Variants in ARL8B observed in about 807,000 individuals in gnomAD.
The protein encoded by ARL8B is ARF like GTPase 8B.
ARL8B carries 9 observed loss-of-function variants against 30.6 expected under a neutral mutation model. The observed-to-expected ratio is 0.29, with a 90% CI of 0.18 to 0.51. The LOEUF is 0.51. Among genes scored for constraint, ARL8B ranks in the 20% least tolerant of loss-of-function variants. The pLI is 0.97. For missense variants in ARL8B, 130 were observed against 227.2 expected, an observed-to-expected ratio of 0.57 and a Z score of 2.75; for synonymous variants, 74 against 76.0, an observed-to-expected ratio of 0.97 and a Z score of 0.14.
chr3:5,168,659 A>C (rs1249632043), intron 1 of ARL8B, among the ~76,000 whole-genome samples: 1 of 152,138 alleles, frequency 6.6e-6, no homozygotes, highest in African/African-American at 2.4e-5. Flanking sequence ...TCCAATAGGG[A>C]GGGCCCTTGA....
At chr3:5,147,128 C>T (rs956879620) in intron 1 of ARL8B, among the ~76,000 whole-genome samples, 7 of 151,882 alleles carry the variant, frequency 4.6e-5, no homozygotes, top group South Asian at 2.1e-4. Flanking sequence ...ACCCACTAAC[C>T]GGTCATTTAC....
chr3:5,174,302 G>C (rs1175115787), intron 5 of ARL8B, 42 bp from the exon 6 acceptor site: 13 of 1,334,644 alleles, frequency 9.7e-6, no homozygotes, highest in Non-Finnish European at 1.4e-5. Context: ...AAGTATGACA[G>C]CTGTTCTAAG....
chr3:5,128,647 A>G (rs11710829), intron 1 of ARL8B: 1 of 215,726 alleles, frequency 4.6e-6, no homozygotes, highest in South Asian at 5.5e-5. Context: ...AGTTACTCAA[A>G]TATTATTAAA....
intron 1 of ARL8B, among the ~76,000 whole-genome samples, chr3:5,123,531 T>G (rs1326297790): frequency 2.0e-5 from 3 of 152,070 alleles, no homozygotes; most frequent in South Asian, 4.1e-4. Flanking sequence ...AGCCCAAGAG[T>G]TGTTGTGACT....
intron 1 of ARL8B, among the ~76,000 whole-genome samples, chr3:5,169,512 A>G (rs560919861): frequency 1.5e-4 from 23 of 151,258 alleles, no homozygotes; most frequent in African/African-American, 5.6e-4. Flanking sequence ...TCCTGCCAGC[A>G]GTATACAAGA....
intron 1 of ARL8B, among the ~76,000 whole-genome samples, chr3:5,166,125 C>T (rs1032336989): frequency 2.0e-5 from 3 of 151,556 alleles, no homozygotes; most frequent in African/African-American, 7.3e-5. Context: ...CTGCAACCTC[C>T]GCTTCCCGGG....
intron 1 of ARL8B, among the ~76,000 whole-genome samples, chr3:5,144,559 C>T (rs1367846517): frequency 6.6e-6 from 1 of 152,162 alleles, no homozygotes; most frequent in Non-Finnish European, 1.5e-5. Context: ...ATTTCTCTCC[C>T]ATCAGGAAGT....
chr3:5,129,857 TTC>T (rs879714375), intron 1 of ARL8B, among the ~76,000 whole-genome samples: 5 of 151,810 alleles, frequency 3.3e-5, no homozygotes, highest in African/African-American at 4.8e-5. Context: ...ATTCTCCACA[TTC>T]TCTCTCTCTC....
At chr3:5,167,950 G>C (rs1177326789) in intron 1 of ARL8B, among the ~76,000 whole-genome samples, 1 of 152,162 alleles carries the variant, frequency 6.6e-6, no homozygotes. Context: ...CACTAGGAAA[G>C]AAGTAGAAAA....
intron 1 of ARL8B, among the ~76,000 whole-genome samples, chr3:5,130,194 A>AT (rs5846362): frequency 0.21 from 31,006 of 147,552 alleles, 3,724 homozygotes; most frequent in African/African-American, 0.35. Context: ...AAAAATATAT[A>AT]TTTTTTTTTT....
intron 1 of ARL8B, among the ~76,000 whole-genome samples, chr3:5,166,105 T>C (rs902571873): frequency 6.6e-6 from 1 of 151,338 alleles, no homozygotes; most frequent in East Asian, 1.9e-4. Flanking sequence ...AGTGGCGTGA[T>C]CTTGGCTCGC....
chr3:5,133,808 C>T (rs1045297549), intron 1 of ARL8B, among the ~76,000 whole-genome samples: 5 of 152,012 alleles, frequency 3.3e-5, no homozygotes, highest in Non-Finnish European at 5.9e-5. Flanking sequence ...TGTGCTGCTG[C>T]GTGTCTGTGG....
chr3:5,138,323 C>T (rs569879614), intron 1 of ARL8B, among the ~76,000 whole-genome samples: 10 of 151,940 alleles, frequency 6.6e-5, no homozygotes, highest in Admixed American at 2.0e-4. Flanking sequence ...AATAATGACT[C>T]TCGTTCATTT....
intron 1 of ARL8B, among the ~76,000 whole-genome samples, chr3:5,148,908 G>T (rs2054453446): frequency 6.6e-6 from 1 of 152,160 alleles, no homozygotes; most frequent in South Asian, 2.1e-4. Context: ...CTCCCTCTTT[G>T]CTTTGTACCC....
intron 1 of ARL8B, among the ~76,000 whole-genome samples, chr3:5,129,765 C>G (rs1318857678): frequency 6.6e-6 from 1 of 152,112 alleles, no homozygotes; most frequent in African/African-American, 2.4e-5. Flanking sequence ...CGCTTGTAAT[C>G]TCAGCATTTA....
rs1019470772 is a variant in ARL8B at position 5,172,064 on chromosome 3, C to G, written c.205-86C>G. ...ACATTGTAGAAATAAATATATCTTCCCGATCTTTCTTTTTTTCTGTTACTT... is the reference window on the plus strand; with the variant it reads ...ACATTGTAGAAATAAATATATCTTCGCGATCTTTCTTTTTTTCTGTTACTT... On this transcript the variant is annotated intron_variant, in intron 2 of 6. Transcript: ENST00000256496. The G allele has an allele frequency of 2.9e-5, 37 of 1,282,358 alleles. No homozygotes were observed. In the African/African-American group the frequency reaches 5.3e-4, roughly 18 times the overall value. The allele number at this position is 1,282,358 out of a possible 1,614,324, so 79.4% of individuals were successfully genotyped here.
At chr3:5,146,679 TCA>T (rs1256693534) in intron 1 of ARL8B, among the ~76,000 whole-genome samples, 2 of 152,144 alleles carry the variant, frequency 1.3e-5, no homozygotes, top group East Asian at 3.9e-4. Context: ...AAACCCAATC[TCA>T]CAATCAGGTC....
chr3:5,143,949 A>G (rs1241857868), intron 1 of ARL8B, among the ~76,000 whole-genome samples: 1 of 152,176 alleles, frequency 6.6e-6, no homozygotes. Flanking sequence ...GAGGAGTGCT[A>G]TTGGGAGACA....
At chr3:5,122,669 C>A (rs1355244725) in intron 1 of ARL8B, 81 bp downstream of exon 1, 3 of 1,464,248 alleles carry the variant, frequency 2.0e-6, no homozygotes, top group African/African-American at 1.4e-5. Context: ...TGAGTTGGGG[C>A]CCCCCTCGGC....
Sources: gnomAD v4.1 joint callset for allele counts (sites outside exome capture counted in the v4.1 genomes callset) on GRCh38, gnomAD v4.1.1 for gene constraint, MANE v1.5 for transcripts, NCBI Gene and HGNC (gene_info 2026-07-23, HGNC 2026-07-21) for gene names.